The following ASB7 variants were observed in gnomAD, a reference collection of about 807,000 sequenced individuals.
ASB7 encodes the protein ankyrin repeat and SOCS box containing 7.
In ASB7, 4 loss-of-function variants were observed where a neutral mutation model predicts 32.5. The observed-to-expected ratio is 0.12, with a 90% confidence interval of 0.06 to 0.28. The LOEUF is 0.28. Ranked by LOEUF, ASB7 falls within the 10% of genes least tolerant of loss-of-function variation. The probability of loss-of-function intolerance (pLI) is 1.00; values close to 1 mark genes in which losing one functional copy is unlikely to be tolerated. For missense variants in ASB7, 181 were observed against 407.1 expected (o/e 0.44, Z 4.78); for synonymous variants, 172 against 155.6 (o/e 1.11, Z -0.78).
At chr15:100,623,103 T>C (rs1190502463) in intron 4 of ASB7, among the ~76,000 whole-genome samples, 1 of 152,140 alleles carries the variant, frequency 6.6e-6, no homozygotes, top group Non-Finnish European at 1.5e-5. Context: ...AATAATCCCA[T>C]TAAAAAGTGG....
intron 2 of ASB7, among the ~76,000 whole-genome samples, chr15:100,606,028 C>T (rs989179553): frequency 6.6e-6 from 1 of 152,162 alleles, no homozygotes; most frequent in African/African-American, 2.4e-5. Flanking sequence ...TTGAGTGACA[C>T]TAAAATAACA....
At chr15:100,624,801 A>T (rs1020121553) in intron 4 of ASB7, among the ~76,000 whole-genome samples, 26 of 152,322 alleles carry the variant, frequency 1.7e-4, no homozygotes, top group South Asian at 4.1e-4. Flanking sequence ...CCTGATACAG[A>T]CCAAACAAAG....
intron 4 of ASB7, among the ~76,000 whole-genome samples, chr15:100,614,320 A>G (rs1168172848): frequency 2.0e-5 from 3 of 151,924 alleles, no homozygotes; most frequent in African/African-American, 4.8e-5. Flanking sequence ...ATTCTGTCGT[A>G]TTATGTTGTG....
At chr15:100,603,750 A>G (rs895178768) in intron 2 of ASB7, among the ~76,000 whole-genome samples, 7 of 152,152 alleles carry the variant, frequency 4.6e-5, no homozygotes, top group Non-Finnish European at 2.9e-5. Context: ...CCTTTCTTCT[A>G]CCTGCATCAG....
chr15:100,636,501 G>A (rs2039924333), intron 5 of ASB7, among the ~76,000 whole-genome samples: 1 of 152,116 alleles, frequency 6.6e-6, no homozygotes, highest in Non-Finnish European at 1.5e-5. Context: ...TGTGTCAGAG[G>A]CGCTGTTGAA....
At chr15:100,628,191 T>C (rs529235330) in intron 4 of ASB7, among the ~76,000 whole-genome samples, 31 of 152,356 alleles carry the variant, frequency 2.0e-4, no homozygotes, top group African/African-American at 7.0e-4. Context: ...TGATATGGCT[T>C]ACCTAAAAAC....
In ASB7 at chr15:100,650,350, C is replaced by G. The variant is rs922800874; in HGVS notation, c.*1888C>G. The G allele has an allele frequency of 2.6e-5, 4 of 152,170 alleles. No homozygotes were observed. The allele number at this position is 152,170 out of a possible 1,614,324, so 9.4% of individuals were successfully genotyped here. Reference sequence around the variant, plus strand: ...TATTCTCATTCTTTAAACCAATACCCAGGTCAGGGCTAGTTCACACTAGCA... The same window carrying G: ...TATTCTCATTCTTTAAACCAATACCGAGGTCAGGGCTAGTTCACACTAGCA... On this transcript the variant is annotated 3_prime_UTR_variant, in exon 6 of 6. Transcript: ENST00000332783.
intron 4 of ASB7, among the ~76,000 whole-genome samples, chr15:100,613,743 C>T (rs541648679): frequency 6.6e-6 from 1 of 152,248 alleles, no homozygotes; most frequent in Non-Finnish European, 1.5e-5. Flanking sequence ...TTCACTTCTG[C>T]CAGCCTTACT....
At chr15:100,610,408 A>G (rs1596997756) in intron 3 of ASB7, among the ~76,000 whole-genome samples, 2 of 151,952 alleles carry the variant, frequency 1.3e-5, no homozygotes, top group South Asian at 4.1e-4. Flanking sequence ...GGCAGGAGAA[A>G]GGTGTGAACC....
chr15:100,611,285 T>TC (rs2039692938), intron 3 of ASB7, among the ~76,000 whole-genome samples: 2 of 152,062 alleles, frequency 1.3e-5, no homozygotes, highest in South Asian at 4.1e-4. Context: ...ACTCCTGGGC[T>TC]CAAGTGGTCC....
chr15:100,602,994 G>T lies in ASB7; in HGVS notation c.-325G>T, dbSNP rs531623843. 1.8e-5 allele frequency: 7 copies of T among 399,260 alleles called. No individual in the cohort carries two copies. Among genetic ancestry groups the T allele is most frequent in the South Asian group, 1.3e-4 (1 of 7,876 alleles). The allele number at this position is 399,260 out of a possible 1,614,324, so 24.7% of individuals were successfully genotyped here. The stretch of plus-strand genomic sequence containing the variant: ...GGGTATTTCTTCAATGGAGAAGTTG[G>T]TGAGTGTAGAGGAGGCTGAAAGGAG... On this transcript the variant is annotated 5_prime_UTR_variant, in exon 1 of 6. Coordinates refer to ENST00000332783, the MANE Select transcript of ASB7 (RefSeq NM_198243.3).
Position 100,612,288 on chromosome 15 carries a change from T to A in ASB7, c.72T>A (p.Ala24=). 6.2e-7 allele frequency: 1 copy of A among 1,614,114 alleles called. No homozygotes were observed. Among genetic ancestry groups the A allele is most frequent in the South Asian group, 1.1e-5 (1 of 91,084 alleles). The change falls in exon 4 of 6, where the codon GCT becomes GCA. Residue 24 remains alanine (A), a synonymous_variant. Coordinates refer to ENST00000332783, the MANE Select transcript of ASB7 (RefSeq NM_198243.3). The part of the protein sequence containing the change: ...EELQIQAAVA[A]GDVHTVRKML... ...TGCAGATTCAGGCCGCGGTGGCTGC[T>A]GGGGATGTCCACACAGTGCGAAAGA...
chr15:100,644,861 G>A (rs1224014427), intron 5 of ASB7, among the ~76,000 whole-genome samples: 1 of 152,168 alleles, frequency 6.6e-6, no homozygotes, highest in Admixed American at 6.5e-5. Context: ...ACAGATCCAT[G>A]TACAGACATC....
intron 4 of ASB7, among the ~76,000 whole-genome samples, chr15:100,619,214 A>G (rs1039407563): frequency 2.6e-5 from 4 of 152,112 alleles, no homozygotes; most frequent in African/African-American, 9.7e-5. Context: ...GTGTGGAATT[A>G]CTCCAACTCA....
At chr15:100,617,446 T>A (rs2039753292) in intron 4 of ASB7, among the ~76,000 whole-genome samples, 1 of 152,182 alleles carries the variant, frequency 6.6e-6, no homozygotes, top group Non-Finnish European at 1.5e-5. Flanking sequence ...CCTGGGACCC[T>A]CTTGGGTCAC....
chr15:100,626,621 T>TTCTC (rs1384230438), intron 4 of ASB7, among the ~76,000 whole-genome samples: 1 of 152,034 alleles, frequency 6.6e-6, no homozygotes, highest in African/African-American at 2.4e-5. Flanking sequence ...CCCCCTCTCC[T>TTCTC]TCTCTCTCTG....
At chr15:100,624,215 AAAG>A (rs1298528077) in intron 4 of ASB7, among the ~76,000 whole-genome samples, 1 of 152,200 alleles carries the variant, frequency 6.6e-6, no homozygotes, top group Non-Finnish European at 1.5e-5. Context: ...TTGTTAGAAG[AAAG>A]AAGTTCTGAC....
chr15:100,643,083 C>T (rs965605278), intron 5 of ASB7, among the ~76,000 whole-genome samples: 8 of 151,998 alleles, frequency 5.3e-5, no homozygotes, highest in Non-Finnish European at 1.0e-4. Context: ...CTCAGGTGGC[C>T]GGCAAGTTGG....
At position 100,648,669 on chromosome 15, in the gene ASB7, T is replaced by C. The variant is rs567825028; in HGVS notation, c.*207T>C. ...TATATAAAAACACACACCACATGCTTGAAGGTCTTAATTTGGTTTCTTGGT... is the reference window on the plus strand; with the variant it reads ...TATATAAAAACACACACCACATGCTCGAAGGTCTTAATTTGGTTTCTTGGT... On this transcript the variant is annotated 3_prime_UTR_variant, in exon 6 of 6. Transcript: ENST00000332783. The C allele has an allele frequency of 2.4e-6, 1 of 420,234 alleles. No individual in the cohort carries two copies. The highest frequency in any genetic ancestry group is 3.9e-5 in the East Asian group (1 of 25,764). The allele number at this position is 420,234 out of a possible 1,614,324, so 26.0% of individuals were successfully genotyped here.
Sources: gnomAD v4.1 joint callset for allele counts (sites outside exome capture counted in the v4.1 genomes callset) on GRCh38, gnomAD v4.1.1 for gene constraint, MANE v1.5 for transcripts, NCBI Gene and HGNC (gene_info 2026-07-23, HGNC 2026-07-21) for gene names.